Variants in EIF4B observed in about 807,000 individuals in gnomAD.
EIF4B encodes the protein eukaryotic translation initiation factor 4B.
A neutral mutation model predicts 79.3 loss-of-function variants in EIF4B; 8 were observed. The observed-to-expected ratio is 0.10, with a 90% CI of 0.06 to 0.18. EIF4B has a LOEUF of 0.18. EIF4B is among the 10% of genes least tolerant of loss of function. EIF4B has a pLI of 1.00. For synonymous variants in EIF4B, 238 were observed against 274.7 expected (o/e 0.87, Z 1.32); for missense variants, 515 against 792.4 (o/e 0.65, Z 4.20).
At position 53,040,363 on chromosome 12, in the gene EIF4B, A is replaced by C. The variant is rs983942394; in HGVS notation, c.*140A>C. 7.0e-5 allele frequency: 61 copies of C among 870,712 alleles called. No individual in the cohort carries two copies. The highest frequency in any genetic ancestry group is 8.8e-5 in the Non-Finnish European group (51 of 582,322). 53.9% of individuals were successfully genotyped at this position (870,712 alleles called of 1,614,324 possible). Reference sequence around the variant, plus strand: ...TTCTTACCTTTTTTTAAAAACAAAAAATGAAATTATTTTGCATGCTGCTGC... The same window carrying C: ...TTCTTACCTTTTTTTAAAAACAAAACATGAAATTATTTTGCATGCTGCTGC... On this transcript the variant is annotated 3_prime_UTR_variant, in exon 15 of 15. Coordinates refer to ENST00000262056, the MANE Select transcript of EIF4B (RefSeq NM_001417.7).
At chr12:53,019,146 C>T in intron 3 of EIF4B, 140 bp downstream of exon 3, 2 of 1,059,898 alleles carry the variant, frequency 1.9e-6, no homozygotes. Flanking sequence ...CGCCTGTAAT[C>T]CCAGCACTCT....
chr12:53,040,738 CCCT>C lies in EIF4B; in HGVS notation c.*520_*522del, dbSNP rs1487984392. The stretch of plus-strand genomic sequence containing the variant: ...TTCTAGTCTCCAGGAGGCTGCCAGC[CCCT>C]CCTCTTATTTAATTCTGAGTTTTGG... On this transcript the variant is annotated 3_prime_UTR_variant, in exon 15 of 15. Transcript: ENST00000262056. 2 of 152,154 alleles carry C rather than the reference CCCT, an allele frequency of 1.3e-5. No homozygotes were observed. The highest frequency in any genetic ancestry group is 2.9e-5 in the Non-Finnish European group (2 of 68,204). The allele number at this position is 152,154 out of a possible 1,614,324, so 9.4% of individuals were successfully genotyped here.
rs141606459 is a variant in EIF4B, at chr12:53,038,193, T to A, written c.1521-163T>A. 29 of 539,556 alleles carry A rather than the reference T, an allele frequency of 5.4e-5. No homozygotes were observed. In the East Asian group the frequency reaches 8.2e-4, roughly 15 times the overall value. 33.4% of individuals were successfully genotyped at this position (539,556 alleles called of 1,614,324 possible). On this transcript the variant is annotated intron_variant, in intron 11 of 14. Coordinates refer to ENST00000262056, the MANE Select transcript of EIF4B (RefSeq NM_001417.7). ...GCATATGGCACTTTAGTGTTCAAAT[T>A]ACTGCTTTCATTGTAATCTTTCCCA...
chr12:53,024,488 G>T (rs894440325), intron 6 of EIF4B, among the ~76,000 whole-genome samples: 12 of 152,126 alleles, frequency 7.9e-5, no homozygotes, highest in African/African-American at 2.9e-4. Flanking sequence ...TCTGTTTTTA[G>T]TCTGTAACAT....
At chr12:53,012,680 A>G (rs899959326) in intron 1 of EIF4B, among the ~76,000 whole-genome samples, 1 of 142,816 alleles carries the variant, frequency 7.0e-6, no homozygotes, top group Non-Finnish European at 1.5e-5. Flanking sequence ...ATCTCAGCTC[A>G]CTGCAAGCTC....
At position 53,018,788 on chromosome 12, in the gene EIF4B, T is replaced by C; in HGVS notation, c.152-10T>C. 6.2e-7 allele frequency: 1 copy of C among 1,612,056 alleles called. No homozygotes were observed. The highest frequency in any genetic ancestry group is 1.7e-5 in the Admixed American group (1 of 59,992). ...TCTTCTAATTTCTTACATTCATTCC[T>C]CTATCCTAGTTTCGACCACTTGGCA... On this transcript the variant is annotated splice_polypyrimidine_tract_variant and intron_variant, in intron 2 of 14. Coordinates refer to ENST00000262056, the MANE Select transcript of EIF4B (RefSeq NM_001417.7).
At chr12:53,015,547 G>A (rs1378496039) in intron 1 of EIF4B, among the ~76,000 whole-genome samples, 1 of 151,952 alleles carries the variant, frequency 6.6e-6, no homozygotes, top group African/African-American at 2.4e-5. Context: ...GCTGGGCGTG[G>A]TAGTGTGCCT....
At chr12:53,029,396 G>A (rs1436209020) in intron 8 of EIF4B, among the ~76,000 whole-genome samples, 3 of 139,806 alleles carry the variant, frequency 2.1e-5, no homozygotes, top group South Asian at 2.2e-4. Flanking sequence ...TTTTTGAGAC[G>A]GAGTCTTGCT....
chr12:53,028,149 G>A lies in EIF4B; in HGVS notation c.940G>A (p.Asp314Asn). Reference protein sequence around the residue: ...RRDDRSWSSRDDYSRDDYRRD... With the variant: ...RRDDRSWSSRNDYSRDDYRRD... ...GGATGATCGGTCGTGGAGCTCCAGA[G>A]ATGATTACTCTCGGGATGATTATAG... The change falls in exon 8 of 15, where the codon GAT becomes AAT. Residue 314 changes from aspartate to asparagine, a missense_variant. Transcript: ENST00000262056. The A allele has an allele frequency of 6.2e-7, 1 of 1,612,820 alleles. No individual in the cohort carries two copies. Among genetic ancestry groups the A allele is most frequent in the Non-Finnish European group, 8.5e-7 (1 of 1,179,556 alleles).
chr12:53,026,337 G>T (rs905594115), intron 6 of EIF4B, among the ~76,000 whole-genome samples: 5 of 152,114 alleles, frequency 3.3e-5, no homozygotes, highest in Non-Finnish European at 7.4e-5. Flanking sequence ...CCCACAGTTT[G>T]CTATCTGAGC....
chr12:53,039,577 G>A, intron 13 of EIF4B, 53 bp from the exon 14 acceptor site: 1 of 1,600,282 alleles, frequency 6.2e-7, no homozygotes, highest in Middle Eastern at 1.7e-4. Context: ...ACACATGTTT[G>A]TATTAGGCGA....
intron 1 of EIF4B, chr12:53,015,075 A>G (rs1322813883): frequency 2.0e-5 from 3 of 152,224 alleles, no homozygotes; most frequent in South Asian, 2.1e-4. Context: ...TCCTTTTAGC[A>G]TTACATCCTC....
At position 53,016,607 on chromosome 12, in the gene EIF4B, G is replaced by A; in HGVS notation, c.148G>A (p.Asp50Asn). 1 of 1,574,148 alleles carries A rather than the reference G, an allele frequency of 6.4e-7. No individual in the cohort carries two copies. The highest frequency in any genetic ancestry group is 8.6e-7 in the Non-Finnish European group (1 of 1,163,880). Residue 50 changes from aspartate (D) to asparagine (N), a missense_variant, in exon 2 of 15, where the codon GAT (aspartate) becomes AAT (asparagine). Around this residue, in one of 6 missense-constraint regions of EIF4B, gnomAD observed 105 missense variants for 177.2 expected, o/e 0.59. Coordinates refer to ENST00000262056, the MANE Select transcript of EIF4B (RefSeq NM_001417.7). ...TGATGAAACGGATGACCTGGAAGGA[G>A]ATGGTAACTTTTCTTTTGTCATCGT... ...WADETDDLEG[D>N]VSTTWHSNDD...
intron 8 of EIF4B, among the ~76,000 whole-genome samples, chr12:53,033,528 A>C (rs1943485426): frequency 6.6e-6 from 1 of 150,956 alleles, no homozygotes; most frequent in Non-Finnish European, 1.5e-5. Flanking sequence ...TTTTTAGTAG[A>C]GACGGGGTTT....
intron 6 of EIF4B, among the ~76,000 whole-genome samples, chr12:53,027,137 A>ATTATTATTATTATTATTATTTTTTTTTTT (rs1943349413): frequency 3.9e-5 from 1 of 25,722 alleles, no homozygotes; most frequent in African/African-American, 8.2e-5. Context: ...AAAAAAAAAA[A>ATTATTATTATTATTATTATTTTTTTTTTT]TTTTTTTTTT....
rs146749641 is a variant in EIF4B at position 53,012,503 on chromosome 12, G to A, written c.14-3970G>A. Among the ~76,000 whole-genome samples the A allele has an allele frequency of 2.7e-3, 403 of 151,110 alleles. 3 individuals are homozygous for A. Among genetic ancestry groups the A allele is most frequent in the African/African-American group, 8.5e-3 (350 of 41,168 alleles). On this transcript the variant is annotated intron_variant, in intron 1 of 14. Transcript: ENST00000262056. ...CGGGAGGCGGAGGTTTCGGTGAGCC[G>A]AGATTCCACCATTGCACTCCAGCCT...
At position 53,039,988 on chromosome 12, in the gene EIF4B, C is replaced by T. The variant is rs1943604676; in HGVS notation, c.1756-155C>T. 23 of 833,906 alleles carry T rather than the reference C, an allele frequency of 2.8e-5. No homozygotes were observed. The South Asian group carries it at 3.5e-4, about 13-fold the overall frequency. The allele number at this position is 833,906 out of a possible 1,614,324, so 51.7% of individuals were successfully genotyped here. ...GATCGCATGTGCCTCTGACCCTCTT[C>T]CCTAGCTCCTCTCCAATGGACAATG... On this transcript the variant is annotated intron_variant, in intron 14 of 14. Transcript: ENST00000262056.
intron 10 of EIF4B, among the ~76,000 whole-genome samples, chr12:53,035,589 C>CA (rs2120978804): frequency 6.6e-6 from 1 of 152,074 alleles, no homozygotes; most frequent in Non-Finnish European, 1.5e-5. Flanking sequence ...AGGATGGTCT[C>CA]AATCTCCTGA....
intron 10 of EIF4B, among the ~76,000 whole-genome samples, chr12:53,036,470 G>A (rs1003948252): frequency 2.6e-5 from 4 of 152,168 alleles, no homozygotes; most frequent in African/African-American, 9.7e-5. Context: ...GCAGTGGTGC[G>A]ATCATAGCTC....
Sources: allele counts gnomAD v4.1 joint callset (sites outside exome capture counted in the v4.1 genomes callset), GRCh38; gene constraint gnomAD v4.1.1; regional missense constraint gnomAD v4.1.1; transcripts MANE v1.5; gene names NCBI Gene and HGNC (gene_info 2026-07-23, HGNC 2026-07-21).